CIAO1: variants seen among roughly 807,000 people sequenced by gnomAD.
CIAO1 encodes cytosolic iron-sulfur assembly component 1, also known as probable cytosolic iron-sulfur protein assembly protein CIAO1.
A neutral mutation model predicts 43.1 loss-of-function variants in CIAO1; 32 were observed. The ratio of observed to expected loss-of-function variants is 0.74; its 90% confidence interval spans 0.56 to 1.00. The LOEUF (loss-of-function observed/expected upper bound fraction) is 1.00, where lower values mean the gene tolerates loss of function less well. Among genes scored for constraint, CIAO1 ranks in the 50% least tolerant of loss-of-function variants. The pLI is 0.00. For missense variants in CIAO1, 415 were observed against 437.4 expected (o/e 0.95, Z 0.46); for synonymous variants, 183 against 171.4 (o/e 1.07, Z -0.53).
At chr2:96,269,789 A>G (rs1448244312) in intron 6 of CIAO1, among the ~76,000 whole-genome samples, 2 of 152,116 alleles carry the variant, frequency 1.3e-5, no homozygotes, top group Admixed American at 6.5e-5. Flanking sequence ...CTGGGATTAC[A>G]GGCGCCCGCC....
chr2:96,267,256 C>T, intron 1 of CIAO1, 65 bp from the exon 2 acceptor site: 6 of 1,531,472 alleles, frequency 3.9e-6, no homozygotes, highest in South Asian at 2.5e-5. Flanking sequence ...GTGCTAGCCC[C>T]TGATATTGAA....
Position 96,267,302 on chromosome 2 carries a change from G to A in CIAO1, c.140-19G>A, listed in dbSNP as rs200478657. 6.2e-7 allele frequency: 1 copy of A among 1,603,898 alleles called. No homozygotes were observed. Among genetic ancestry groups the A allele is most frequent in the Non-Finnish European group, 8.5e-7 (1 of 1,173,112 alleles). On this transcript the variant is annotated intron_variant, in intron 1 of 6. Coordinates refer to ENST00000488633, the MANE Select transcript of CIAO1 (RefSeq NM_004804.3). ...GTGCTGCACCCAGCTCCAGAGCCTG[G>A]CCTGCGCTCCGCCTTTAGGTGACAG...
intron 4 of CIAO1, 93 bp from the exon 5 acceptor site, chr2:96,268,359 TAATAA>T (rs577187733): frequency 1.1e-4 from 113 of 1,039,096 alleles, no homozygotes; most frequent in African/African-American, 8.1e-4. Flanking sequence ...CTCAAATAAA[TAATAA>T]AATAAAATAA....
intron 4 of CIAO1, 134 bp from the exon 5 acceptor site, chr2:96,268,323 G>A: frequency 1.3e-6 from 1 of 783,168 alleles, no homozygotes; most frequent in Non-Finnish European, 2.1e-6. Context: ...TTGCACTCCA[G>A]CCTGGGCAAC....
At chr2:96,270,503 G>GAA (rs869064139) in intron 6 of CIAO1, among the ~76,000 whole-genome samples, 3 of 121,872 alleles carry the variant, frequency 2.5e-5, no homozygotes, top group Non-Finnish European at 1.7e-5. Context: ...TCCATCTAAA[G>GAA]AAAAAAAAAA....
intron 1 of CIAO1, 90 bp downstream of exon 1, chr2:96,266,579 T>G: frequency 1.6e-6 from 2 of 1,250,698 alleles, no homozygotes; most frequent in Non-Finnish European, 2.0e-6. Context: ...AGGCTGAACC[T>G]GTTCCTGGCG....
At chr2:96,269,501 C>A in intron 6 of CIAO1, 146 bp downstream of exon 6, 1 of 731,860 alleles carries the variant, frequency 1.4e-6, no homozygotes, top group Non-Finnish European at 2.4e-6. Context: ...CTGACTCTAC[C>A]ATGCTGGTTT....
chr2:96,270,459 G>A (rs532622538), intron 6 of CIAO1, among the ~76,000 whole-genome samples: 4 of 151,226 alleles, frequency 2.6e-5, no homozygotes, highest in South Asian at 2.1e-4. Flanking sequence ...CCGAGATTGC[G>A]CCACTGCACT....
At chr2:96,268,006 A>G in intron 4 of CIAO1, 82 bp downstream of exon 4, 1 of 1,156,936 alleles carries the variant, frequency 8.6e-7, no homozygotes, top group South Asian at 1.2e-5. Flanking sequence ...TTCAGCCTTA[A>G]TCTAGCTTTT....
Position 96,267,868 on chromosome 2 carries a change from G to A in CIAO1, c.433G>A (p.Val145Ile), listed in dbSNP as rs373065541. The stretch of plus-strand genomic sequence containing the variant: ...AGAGGATGAGTATGAATGTGTCAGT[G>A]TTCTCAACTCCCACACACAGGATGT... ...DEEDEYECVS[V>I]LNSHTQDVKH... Residue 145 changes from valine to isoleucine, a missense_variant, in exon 4 of 7, where the codon GTT (valine) becomes ATT (isoleucine). Coordinates refer to ENST00000488633, the MANE Select transcript of CIAO1 (RefSeq NM_004804.3). The A allele has an allele frequency of 3.1e-6, 5 of 1,614,036 alleles. No individual in the cohort carries two copies. In the African/African-American group the frequency reaches 4.0e-5, roughly 13 times the overall value.
intron 5 of CIAO1, chr2:96,268,993 A>C: frequency 1.7e-6 from 1 of 574,758 alleles, no homozygotes; most frequent in Non-Finnish European, 3.1e-6. Flanking sequence ...TTGGAGAGGA[A>C]TAAAGTGGGT....
Position 96,272,567 on chromosome 2 carries a change from T to G in CIAO1, c.*1216T>G, listed in dbSNP as rs921536468. ...GGCTCATGCCTGTAATCCCAGCACT[T>G]TGGGAGGCTGAGGCGGGCGGATCAC... On this transcript the variant is annotated 3_prime_UTR_variant, in exon 7 of 7. Transcript: ENST00000488633. The G allele has an allele frequency of 6.6e-6, 1 of 152,238 alleles. No homozygotes were observed. Among genetic ancestry groups the G allele is most frequent in the Admixed American group, 6.5e-5 (1 of 15,272 alleles). The allele number at this position is 152,238 out of a possible 1,614,324, so 9.4% of individuals were successfully genotyped here.
At chr2:96,268,053 C>G in intron 4 of CIAO1, 129 bp downstream of exon 4, 1 of 791,518 alleles carries the variant, frequency 1.3e-6, no homozygotes, top group Non-Finnish European at 2.1e-6. Context: ...AACATTAGTC[C>G]CTTTATAAAA....
rs1457358816 is a variant in CIAO1, at chr2:96,267,312, C to T, written c.140-9C>T. On this transcript the variant is annotated splice_polypyrimidine_tract_variant and intron_variant, in intron 1 of 6. Coordinates refer to ENST00000488633, the MANE Select transcript of CIAO1 (RefSeq NM_004804.3). ...CAGCTCCAGAGCCTGGCCTGCGCTC[C>T]GCCTTTAGGTGACAGCTGGATCTGC... is the stretch of plus-strand genomic sequence containing the variant. 11 of 1,607,654 alleles carry T rather than the reference C, an allele frequency of 6.8e-6. No individual in the cohort carries two copies. Among genetic ancestry groups the T allele is most frequent in the Non-Finnish European group, 9.4e-6 (11 of 1,175,530 alleles).
In CIAO1 at chr2:96,271,203, CCTT is replaced by C. The variant is rs764179013; in HGVS notation, c.875_877del (p.Phe292del). The C allele has an allele frequency of 2.5e-6, 4 of 1,614,116 alleles. No individual in the cohort carries two copies. The highest frequency in any genetic ancestry group is 2.2e-5 in the South Asian group (2 of 91,090). ...CCCAACTCGGATCCACAGCAGCCCA[CCTT>C]CTCCCTGACAGCCCACTTGCATCAG... On this transcript the variant is annotated inframe_deletion, in exon 7 of 7. Coordinates refer to ENST00000488633, the MANE Select transcript of CIAO1 (RefSeq NM_004804.3).
chr2:96,267,274 A>G, intron 1 of CIAO1, 47 bp from the exon 2 acceptor site: 1 of 1,564,798 alleles, frequency 6.4e-7, no homozygotes. Flanking sequence ...GAATGGCTTC[A>G]TGGTGCTGCA....
intron 6 of CIAO1, among the ~76,000 whole-genome samples, chr2:96,270,699 A>G (rs1031410812): frequency 3.5e-5 from 5 of 144,822 alleles, no homozygotes; most frequent in African/African-American, 1.3e-4. Context: ...AGTCCCAGCT[A>G]CTCAGGAGGC....
chr2:96,268,539 A>C lies in CIAO1; in HGVS notation c.572A>C (p.Glu191Ala), dbSNP rs1388020647. Residue 191 changes from glutamate (E) to alanine (A), a missense_variant, in exon 5 of 7, where the codon GAG becomes GCG. By Grantham distance (107) the Glu-to-Ala change is moderately radical (BLOSUM62 -1). Coordinates refer to ENST00000488633, the MANE Select transcript of CIAO1 (RefSeq NM_004804.3). ...GACTGGGTATGCTGTGCCACCCTTG[A>C]GGGCCATGAATCCACTGTGTGGAGC... ...EDDWVCCATL[E>A]GHESTVWSLA... The C allele has an allele frequency of 6.2e-7, 1 of 1,614,204 alleles. No homozygotes were observed. The highest frequency in any genetic ancestry group is 2.2e-5 in the East Asian group (1 of 44,878).
In CIAO1 at chr2:96,271,125, G is replaced by A. The variant is rs758445180; in HGVS notation, c.794G>A (p.Gly265Glu). The change falls in exon 7 of 7, where the codon GGG becomes GAG. Residue 265 changes from glycine (G) to glutamate (E), a missense_variant. Physicochemically the swap from Gly to Glu is moderately conservative, Grantham distance 98 (BLOSUM62 -2). Coordinates refer to ENST00000488633, the MANE Select transcript of CIAO1 (RefSeq NM_004804.3). ...IYDIAWCQLT[G>E]ALATACGDDA... ...TTTCCTTCCAGGTGTCAGCTGACAG[G>A]GGCTCTGGCCACAGCTTGTGGGGAT... The A allele has an allele frequency of 2.1e-5, 34 of 1,614,064 alleles. No homozygotes were observed. The highest frequency in any genetic ancestry group is 2.7e-5 in the Non-Finnish European group (32 of 1,180,046).
Sources: gnomAD v4.1 joint callset for allele counts (sites outside exome capture counted in the v4.1 genomes callset) on GRCh38, gnomAD v4.1.1 for gene constraint, MANE v1.5 for transcripts, NCBI Gene and HGNC (gene_info 2026-07-23, HGNC 2026-07-21) for gene names.